SUPT3H: variants seen among roughly 807,000 people sequenced by gnomAD.
The protein encoded by SUPT3H is transcription initiation protein SPT3 homolog.
SUPT3H carries 44 observed loss-of-function variants against 44.3 expected under a neutral mutation model. The ratio of observed to expected loss-of-function variants is 0.99; its 90% CI spans 0.78 to 1.28. The LOEUF (loss-of-function observed/expected upper bound fraction) is 1.28, where lower values mean the gene tolerates loss of function less well. SUPT3H is among the 50% of genes most tolerant of loss of function. The probability of loss-of-function intolerance (pLI) is 0.00; values close to 1 mark genes in which losing one functional copy is unlikely to be tolerated. For missense variants in SUPT3H, 380 were observed against 387.1 expected (o/e 0.98, Z 0.15); for synonymous variants, 124 against 125.6 (o/e 0.99, Z 0.09).
chr6:45,021,383 T>C (rs1416887911), intron 3 of SUPT3H, among the ~76,000 whole-genome samples: 1 of 151,914 alleles, frequency 6.6e-6, no homozygotes, highest in Non-Finnish European at 1.5e-5. Flanking sequence ...TAAAAGAATG[T>C]GAAAAATGAT....
chr6:45,200,393 C>G (rs77938699), intron 2 of SUPT3H, among the ~76,000 whole-genome samples: 43 of 151,336 alleles, frequency 2.8e-4, no homozygotes, highest in Non-Finnish European at 5.2e-4. Context: ...TGACTTATTA[C>G]ATTAATAAAA....
At chr6:45,248,594 G>A (rs551564985) in intron 2 of SUPT3H, among the ~76,000 whole-genome samples, 7 of 152,218 alleles carry the variant, frequency 4.6e-5, no homozygotes, top group Non-Finnish European at 8.8e-5. Context: ...CTGGCAATGC[G>A]AAGTGCCAAA....
chr6:45,227,920 G>T (rs1767234776), intron 2 of SUPT3H, among the ~76,000 whole-genome samples: 1 of 151,716 alleles, frequency 6.6e-6, no homozygotes, highest in South Asian at 2.1e-4. Flanking sequence ...AAAACAAAAT[G>T]AAACTTTTAT....
At chr6:44,906,032 G>A (rs7742994) in intron 10 of SUPT3H, among the ~76,000 whole-genome samples, 1 of 152,108 alleles carries the variant, frequency 6.6e-6, no homozygotes, top group Non-Finnish European at 1.5e-5. Flanking sequence ...TTGTGCGGTG[G>A]GGGGATGGGG....
intron 2 of SUPT3H, among the ~76,000 whole-genome samples, chr6:45,126,725 A>G (rs1283642493): frequency 6.6e-6 from 1 of 152,210 alleles, no homozygotes; most frequent in East Asian, 1.9e-4. Context: ...TAAAAGATAC[A>G]CACTAAAAAC....
chr6:45,016,413 G>C (rs1020109741), intron 4 of SUPT3H, among the ~76,000 whole-genome samples: 2 of 151,150 alleles, frequency 1.3e-5, no homozygotes, highest in East Asian at 3.9e-4. Context: ...AGTTACATAT[G>C]TATACATGTG....
At chr6:45,329,412 A>G (rs1787002924) in intron 2 of SUPT3H, among the ~76,000 whole-genome samples, 1 of 151,970 alleles carries the variant, frequency 6.6e-6, no homozygotes, top group Non-Finnish European at 1.5e-5. Context: ...AGCACATCAC[A>G]GCCATTTTTA....
chr6:45,078,599 T>C (rs1280414745), intron 3 of SUPT3H, among the ~76,000 whole-genome samples: 1 of 152,218 alleles, frequency 6.6e-6, no homozygotes, highest in African/African-American at 2.4e-5. Flanking sequence ...TCTGGTCAAG[T>C]GGTGATAAAT....
intron 3 of SUPT3H, among the ~76,000 whole-genome samples, chr6:45,052,915 T>C (rs1405948660): frequency 6.6e-6 from 1 of 151,732 alleles, no homozygotes; most frequent in Non-Finnish European, 1.5e-5. Context: ...AAAAGGTATG[T>C]GTGATATGAG....
chr6:45,240,121 G>C (rs1257314461), intron 2 of SUPT3H, among the ~76,000 whole-genome samples: 2 of 152,102 alleles, frequency 1.3e-5, no homozygotes, highest in East Asian at 1.9e-4. Flanking sequence ...CAGCCAATTT[G>C]GATACCATCA....
intron 9 of SUPT3H, among the ~76,000 whole-genome samples, chr6:44,947,218 G>A (rs919538671): frequency 1.6e-4 from 24 of 152,054 alleles, no homozygotes; most frequent in African/African-American, 3.9e-4. Flanking sequence ...TGTGTGACTC[G>A]CTTTATTGCA....
chr6:44,847,883 G>A (rs1052648506), intron 10 of SUPT3H, among the ~76,000 whole-genome samples: 4 of 146,540 alleles, frequency 2.7e-5, no homozygotes, highest in Non-Finnish European at 6.0e-5. Flanking sequence ...TGTTGGAGAT[G>A]TATGGATTCC....
At chr6:45,154,918 C>G (rs1011967381) in intron 2 of SUPT3H, among the ~76,000 whole-genome samples, 3 of 152,132 alleles carry the variant, frequency 2.0e-5, no homozygotes. Context: ...CCCTTGGCCT[C>G]TGTACCTACG....
At chr6:45,191,502 T>C (rs1192579491) in intron 2 of SUPT3H, among the ~76,000 whole-genome samples, 1 of 152,134 alleles carries the variant, frequency 6.6e-6, no homozygotes, top group Non-Finnish European at 1.5e-5. Flanking sequence ...AATGTCATTA[T>C]ACATTTGTCC....
chr6:45,132,894 AAGAC>A (rs1463918405), intron 2 of SUPT3H, among the ~76,000 whole-genome samples: 1 of 152,204 alleles, frequency 6.6e-6, no homozygotes. Context: ...AAAGGAAACT[AAGAC>A]AGAAGTCACA....
At chr6:45,273,429 T>C (rs1381902988) in intron 2 of SUPT3H, among the ~76,000 whole-genome samples, 1 of 152,176 alleles carries the variant, frequency 6.6e-6, no homozygotes, top group African/African-American at 2.4e-5. Flanking sequence ...AAATTTGATA[T>C]TAGTTCTTGC....
chr6:45,332,540 CT>C (rs999882145), intron 2 of SUPT3H, among the ~76,000 whole-genome samples: 2 of 151,702 alleles, frequency 1.3e-5, no homozygotes, highest in Admixed American at 1.3e-4. Context: ...CTGTTCTAAC[CT>C]TTGTTCTAGG....
intron 2 of SUPT3H, among the ~76,000 whole-genome samples, chr6:45,152,762 G>A (rs1583863342): frequency 6.6e-6 from 1 of 152,100 alleles, no homozygotes; most frequent in African/African-American, 2.4e-5. Context: ...AAAGTGCTGG[G>A]ATTACAGGCA....
chr6:44,945,151 G>C (rs759881517), intron 9 of SUPT3H, among the ~76,000 whole-genome samples: 1 of 151,794 alleles, frequency 6.6e-6, no homozygotes, highest in Non-Finnish European at 1.5e-5. Flanking sequence ...TAATTGTCTT[G>C]GGGCGCCACG....
Sources: gnomAD v4.1 joint callset for allele counts (sites outside exome capture counted in the v4.1 genomes callset) on GRCh38, gnomAD v4.1.1 for gene constraint, MANE v1.5 for transcripts, NCBI Gene and HGNC (gene_info 2026-07-23, HGNC 2026-07-21) for gene names.